The following RBMS3 variants were observed in gnomAD, a reference collection of about 807,000 sequenced individuals.
The protein encoded by RBMS3 is RNA-binding motif, single-stranded-interacting protein 3.
A neutral mutation model predicts 66.8 loss-of-function variants in RBMS3; 27 were observed. The ratio of observed to expected loss-of-function variants is 0.40; its 90% confidence interval spans 0.30 to 0.56. The LOEUF is 0.56. RBMS3 is among the 20% of genes least tolerant of loss of function. The pLI is 0.40. For synonymous variants in RBMS3, 188 were observed against 183.0 expected (o/e 1.03, Z -0.22); for missense variants, 513 against 549.5 (o/e 0.93, Z 0.66).
chr3:29,858,578 C>A (rs546383703), intron 6 of RBMS3, among the ~76,000 whole-genome samples: 83 of 152,340 alleles, frequency 5.4e-4, no homozygotes, highest in African/African-American at 1.9e-3. Context: ...TTTCCAATTT[C>A]TTGGTGTCAA....
chr3:29,699,606 T>C (rs975798865), intron 4 of RBMS3, among the ~76,000 whole-genome samples: 3 of 152,242 alleles, frequency 2.0e-5, no homozygotes, highest in African/African-American at 7.2e-5. Context: ...GTAACTCATG[T>C]AGCCTTTTTT....
intron 7 of RBMS3, among the ~76,000 whole-genome samples, chr3:29,879,759 C>T (rs2059693466): frequency 4.6e-5 from 7 of 151,402 alleles, no homozygotes; most frequent in Admixed American, 3.3e-4. Flanking sequence ...TTTTTTGATC[C>T]CCATTTATCT....
intron 4 of RBMS3, among the ~76,000 whole-genome samples, chr3:29,650,279 CTTTTTTTTTT>C (rs560594950): frequency 1.0e-5 from 1 of 96,234 alleles, no homozygotes; most frequent in African/African-American, 4.4e-5. Context: ...TCCTTTCTTT[CTTTTTTTTTT>C]TTTTTTTTTT....
chr3:29,336,803 C>T (rs915465531), intron 1 of RBMS3, among the ~76,000 whole-genome samples: 1 of 152,100 alleles, frequency 6.6e-6, no homozygotes, highest in Non-Finnish European at 1.5e-5. Flanking sequence ...CTGACACTGC[C>T]TGCTTTGCCA....
chr3:29,591,931 T>A (rs1185545724), intron 4 of RBMS3, among the ~76,000 whole-genome samples: 1 of 152,050 alleles, frequency 6.6e-6, no homozygotes, highest in Non-Finnish European at 1.5e-5. Flanking sequence ...TAAATCTCAG[T>A]TAAGCAATCA....
At chr3:29,345,499 A>AT (rs1027090950) in intron 1 of RBMS3, among the ~76,000 whole-genome samples, 2 of 151,882 alleles carry the variant, frequency 1.3e-5, no homozygotes, top group Admixed American at 6.6e-5. Context: ...TAAAACCTTA[A>AT]TTTTTTCCCC....
At position 29,563,303 on chromosome 3, in the gene RBMS3, C is replaced by T. The variant is rs139518794; in HGVS notation, c.308-23811C>T. ...GTAGAAGAAGAAAGACACATATTAA[C>T]GGACAAAACACTCTCCTAAATTGCT... On this transcript the variant is annotated intron_variant, in intron 3 of 14. Coordinates refer to ENST00000383767, the MANE Select transcript of RBMS3 (RefSeq NM_001003793.3). Among the ~76,000 whole-genome samples the T allele has an allele frequency of 2.5e-3, 387 of 152,298 alleles. 2 individuals carry two copies. The highest frequency in any genetic ancestry group is 7.7e-3 in the African/African-American group (320 of 41,578).
chr3:29,380,371 C>G (rs2038706279), intron 1 of RBMS3, among the ~76,000 whole-genome samples: 1 of 152,080 alleles, frequency 6.6e-6, no homozygotes, highest in Admixed American at 6.5e-5. Flanking sequence ...TTTCTACTAT[C>G]TTTTATATGC....
At chr3:29,742,379 A>G (rs1179642290) in intron 5 of RBMS3, among the ~76,000 whole-genome samples, 1 of 152,128 alleles carries the variant, frequency 6.6e-6, no homozygotes, top group Non-Finnish European at 1.5e-5. Flanking sequence ...ACAATCCTTC[A>G]ACATTTCACT....
intron 2 of RBMS3, among the ~76,000 whole-genome samples, chr3:29,452,188 A>G (rs2042038871): frequency 6.6e-6 from 1 of 152,296 alleles, no homozygotes; most frequent in East Asian, 1.9e-4. Context: ...CTCCCTCTCA[A>G]TAGGAAATGT....
At position 29,314,315 on chromosome 3, in the gene RBMS3, C is replaced by A. The variant is rs189958993; in HGVS notation, c.75+32559C>A. ...CATTAATCTGGCAATAATACCTTCT[C>A]ATGTATTATGGGATTGAATATTTTA... On this transcript the variant is annotated intron_variant, in intron 1 of 14. Transcript: ENST00000383767. Among the ~76,000 whole-genome samples, 101 of 151,732 alleles carry A rather than the reference C, an allele frequency of 6.7e-4. 1 individual carries two copies. The highest frequency in any genetic ancestry group is 1.4e-3 in the Non-Finnish European group (92 of 67,798).
intron 1 of RBMS3, among the ~76,000 whole-genome samples, chr3:29,370,291 T>A (rs1559525076): frequency 6.6e-6 from 1 of 152,200 alleles, no homozygotes; most frequent in Non-Finnish European, 1.5e-5. Flanking sequence ...AGTCATAATA[T>A]CTTGCAGCTC....
At chr3:29,972,878 G>A (rs1401877365) in intron 12 of RBMS3, among the ~76,000 whole-genome samples, 1 of 152,012 alleles carries the variant, frequency 6.6e-6, no homozygotes, top group East Asian at 1.9e-4. Context: ...AAGCTTCCAG[G>A]CACATTGAGG....
chr3:29,295,273 TTATATA>T (rs370586837), intron 1 of RBMS3, among the ~76,000 whole-genome samples: 6,563 of 51,290 alleles, frequency 0.13, 223 homozygotes, highest in Non-Finnish European at 0.18. Context: ...TTGCAGAAAA[TTATATA>T]TATATATATA....
At chr3:29,418,899 G>A (rs1472300272) in intron 1 of RBMS3, among the ~76,000 whole-genome samples, 2 of 151,990 alleles carry the variant, frequency 1.3e-5, no homozygotes, top group African/African-American at 2.4e-5. Flanking sequence ...CAAACCACAA[G>A]GAAAAGCAAT....
At chr3:29,366,456 G>A (rs1237264970) in intron 1 of RBMS3, among the ~76,000 whole-genome samples, 1 of 152,124 alleles carries the variant, frequency 6.6e-6, no homozygotes, top group Non-Finnish European at 1.5e-5. Flanking sequence ...GTGTATCAAA[G>A]TTAACTGCAG....
intron 5 of RBMS3, among the ~76,000 whole-genome samples, chr3:29,760,281 A>ACACC (rs1456292765): frequency 1.1e-4 from 16 of 149,592 alleles, no homozygotes; most frequent in African/African-American, 3.8e-4. Flanking sequence ...ACACACACAC[A>ACACC]CCCCTACACA....
chr3:29,978,159 GA>G (rs1202227180), intron 12 of RBMS3, among the ~76,000 whole-genome samples: 1 of 152,162 alleles, frequency 6.6e-6, no homozygotes, highest in Non-Finnish European at 1.5e-5. Context: ...TGTGCTTGCA[GA>G]GAAAGTTCAG....
chr3:29,824,994 A>G (rs960224350), intron 6 of RBMS3, among the ~76,000 whole-genome samples: 11 of 151,924 alleles, frequency 7.2e-5, no homozygotes, highest in Non-Finnish European at 1.6e-4. Flanking sequence ...TCATTGCCCC[A>G]AAGTCTTCAA....
Sources: allele counts gnomAD v4.1 joint callset (sites outside exome capture counted in the v4.1 genomes callset), GRCh38; gene constraint gnomAD v4.1.1; transcripts MANE v1.5; gene names NCBI Gene and HGNC (gene_info 2026-07-23, HGNC 2026-07-21).